PBX1: variants seen among roughly 807,000 people sequenced by gnomAD.
PBX1 encodes the protein pre-B-cell leukemia transcription factor 1.
A neutral mutation model predicts 53.4 loss-of-function variants in PBX1; 6 were observed. The ratio of observed to expected loss-of-function variants is 0.11; its 90% confidence interval spans 0.06 to 0.22. The LOEUF (loss-of-function observed/expected upper bound fraction) is 0.22. Ranked by LOEUF, PBX1 falls within the 10% of genes least tolerant of loss-of-function variation. The pLI, the probability that PBX1 is intolerant of heterozygous loss-of-function variation, is 1.00. For synonymous variants in PBX1, 204 were observed against 212.3 expected, an observed-to-expected ratio of 0.96 and a Z score of 0.34; for missense variants, 251 against 551.4, an observed-to-expected ratio of 0.46 and a Z score of 5.46.
At chr1:164,750,072 G>C (rs1018757159) in intron 2 of PBX1, among the ~76,000 whole-genome samples, 1 of 151,544 alleles carries the variant, frequency 6.6e-6, no homozygotes, top group Admixed American at 6.6e-5. Flanking sequence ...ACATTAGCCC[G>C]GGTGACAGAG....
intron 2 of PBX1, among the ~76,000 whole-genome samples, chr1:164,709,865 T>C (rs1314979343): frequency 6.6e-6 from 1 of 152,106 alleles, no homozygotes; most frequent in Non-Finnish European, 1.5e-5. Flanking sequence ...TCGTCTCGGG[T>C]CCGGAGTGCT....
intron 2 of PBX1, among the ~76,000 whole-genome samples, chr1:164,648,114 C>G (rs957704646): frequency 2.0e-5 from 3 of 151,842 alleles, no homozygotes; most frequent in Admixed American, 6.6e-5. Flanking sequence ...CGTGCCCAGC[C>G]CACCCCAGCT....
At chr1:164,661,993 C>G (rs41500546) in intron 2 of PBX1, among the ~76,000 whole-genome samples, 8,705 of 152,186 alleles carry the variant, frequency 0.057, 346 homozygotes, top group Admixed American at 0.13. Flanking sequence ...CCTAACAAAT[C>G]AATTCTTCCC....
In PBX1 at chr1:164,843,927, T is replaced by TTG. The variant is rs1671427982; in HGVS notation, c.1201-2655_1201-2654dup. ...ATGGCTTCATTTTTTGCACCACTTA[T>TTG]TGTTATCTTAATGGAATTATGGCAT... On this transcript the variant is annotated intron_variant, in intron 8 of 8. Coordinates refer to ENST00000420696, the MANE Select transcript of PBX1 (RefSeq NM_002585.4). 7.2e-5 allele frequency among the ~76,000 whole-genome samples: 11 copies of TTG among 152,226 alleles called. No homozygotes were observed. The South Asian group carries it at 2.3e-3, about 32-fold the overall frequency.
At chr1:164,763,508 A>C (rs887937697) in intron 2 of PBX1, among the ~76,000 whole-genome samples, 11 of 152,232 alleles carry the variant, frequency 7.2e-5, no homozygotes, top group African/African-American at 2.4e-5. Context: ...AGCTGGGTAA[A>C]AATGTTCCAG....
intron 2 of PBX1, among the ~76,000 whole-genome samples, chr1:164,761,686 G>T (rs2635039): frequency 6.6e-6 from 1 of 151,976 alleles, no homozygotes; most frequent in Non-Finnish European, 1.5e-5. Flanking sequence ...CTCATGATCC[G>T]CCCGTCTCGG....
intron 8 of PBX1, 62 bp downstream of exon 8, chr1:164,821,688 A>C: frequency 1.0e-5 from 13 of 1,296,642 alleles, no homozygotes; most frequent in Non-Finnish European, 1.5e-5. Context: ...CAATTATTTC[A>C]AAGCCATAGG....
At chr1:164,763,798 T>A (rs1177048806) in intron 2 of PBX1, among the ~76,000 whole-genome samples, 2 of 152,192 alleles carry the variant, frequency 1.3e-5, no homozygotes, top group Non-Finnish European at 2.9e-5. Context: ...ACAGCAACAC[T>A]GAAAAGGGAC....
In PBX1 at chr1:164,670,436, C is replaced by CT. The variant is rs545997563; in HGVS notation, c.265+107126dup. ...TCTCATTAAAAAATATGTATGTCAG[C>CT]TATCCCTCCTTCCTTTCCACCCCGT... is the stretch of plus-strand genomic sequence containing the variant. On this transcript the variant is annotated intron_variant, in intron 2 of 8. Transcript: ENST00000420696. 2.6e-5 allele frequency among the ~76,000 whole-genome samples: 4 copies of CT among 152,304 alleles called. No individual in the cohort carries two copies. In the South Asian group the frequency reaches 8.3e-4, roughly 32 times the overall value.
intron 1 of PBX1, among the ~76,000 whole-genome samples, chr1:164,562,491 A>C (rs1340899328): frequency 1.4e-5 from 2 of 144,776 alleles, no homozygotes; most frequent in Non-Finnish European, 1.5e-5. Context: ...ACACACACAC[A>C]CACCAGGTAA....
At chr1:164,656,567 G>A (rs767391076) in intron 2 of PBX1, among the ~76,000 whole-genome samples, 2 of 152,082 alleles carry the variant, frequency 1.3e-5, no homozygotes, top group African/African-American at 4.8e-5. Flanking sequence ...CAAATTATGA[G>A]GGGAAACCTG....
intron 2 of PBX1, among the ~76,000 whole-genome samples, chr1:164,629,207 G>T (rs1170826803): frequency 1.3e-5 from 2 of 152,030 alleles, no homozygotes; most frequent in Non-Finnish European, 2.9e-5. Context: ...ATGGAAAGAA[G>T]CTGATACTCA....
At chr1:164,717,488 G>A (rs1664170486) in intron 2 of PBX1, among the ~76,000 whole-genome samples, 1 of 152,098 alleles carries the variant, frequency 6.6e-6, no homozygotes, top group Admixed American at 6.6e-5. Context: ...GGATTATCAG[G>A]CAGGTGTTCA....
At chr1:164,579,860 A>T (rs933213497) in intron 2 of PBX1, among the ~76,000 whole-genome samples, 1 of 152,194 alleles carries the variant, frequency 6.6e-6, no homozygotes, top group African/African-American at 2.4e-5. Flanking sequence ...TATTTAAAAA[A>T]TGTGTTAGGT....
intron 2 of PBX1, among the ~76,000 whole-genome samples, chr1:164,588,903 TC>T (rs971855268): frequency 6.6e-6 from 1 of 152,104 alleles, no homozygotes; most frequent in Non-Finnish European, 1.5e-5. Flanking sequence ...CCCTCTTTTT[TC>T]CTTTCTGTTG....
chr1:164,697,311 A>C (rs1007323356), intron 2 of PBX1, among the ~76,000 whole-genome samples: 1 of 152,182 alleles, frequency 6.6e-6, no homozygotes, highest in Non-Finnish European at 1.5e-5. Context: ...TTAATAACTG[A>C]AAGCACGGCA....
chr1:164,678,044 G>A (rs1661539317), intron 2 of PBX1, among the ~76,000 whole-genome samples: 1 of 152,134 alleles, frequency 6.6e-6, no homozygotes, highest in Non-Finnish European at 1.5e-5. Context: ...AATTCAACAT[G>A]GTACCTTAAC....
intron 2 of PBX1, chr1:164,652,075 T>G (rs1435147782): frequency 1.3e-5 from 2 of 152,038 alleles, no homozygotes; most frequent in Non-Finnish European, 2.9e-5. Context: ...CACTTTTTTT[T>G]TTTTGGAGAG....
At chr1:164,773,241 GCGCA>G (rs891311028) in intron 2 of PBX1, among the ~76,000 whole-genome samples, 5 of 135,188 alleles carry the variant, frequency 3.7e-5, no homozygotes, top group African/African-American at 8.1e-5. Flanking sequence ...TAGGTAACAC[GCGCA>G]CACACACACA....
Sources: gnomAD v4.1 joint callset for allele counts (sites outside exome capture counted in the v4.1 genomes callset) on GRCh38, gnomAD v4.1.1 for gene constraint, MANE v1.5 for transcripts, NCBI Gene and HGNC (gene_info 2026-07-23, HGNC 2026-07-21) for gene names.